ZNF423: variants seen among roughly 807,000 people sequenced by gnomAD.
ZNF423 encodes zinc finger protein 423.
A neutral mutation model predicts 95.8 loss-of-function variants in ZNF423; 12 were observed. That is an observed-to-expected ratio of 0.13 (90% CI 0.08 to 0.20). The LOEUF is 0.20. Among genes scored for constraint, ZNF423 ranks in the 10% least tolerant of loss-of-function variants. The pLI is 1.00. For missense variants in ZNF423, 1,316 were observed against 1,737.1 expected, an observed-to-expected ratio of 0.76 and a Z score of 4.31; for synonymous variants, 749 against 711.9, an observed-to-expected ratio of 1.05 and a Z score of -0.83.
At chr16:49,658,610 G>A (rs1255287584) in intron 3 of ZNF423, among the ~76,000 whole-genome samples, 1 of 152,246 alleles carries the variant, frequency 6.6e-6, no homozygotes, top group Non-Finnish European at 1.5e-5. Context: ...CATCAGGCCT[G>A]GGGAAGGCTC....
intron 5 of ZNF423, among the ~76,000 whole-genome samples, chr16:49,575,370 A>C (rs372025357): frequency 4.5e-4 from 68 of 152,134 alleles, no homozygotes; most frequent in African/African-American, 1.6e-3. Context: ...TCCACTAAAC[A>C]AGCCCAACGC....
chr16:49,668,800 C>T (rs1349213701), intron 3 of ZNF423, among the ~76,000 whole-genome samples: 1 of 152,166 alleles, frequency 6.6e-6, no homozygotes, highest in Non-Finnish European at 1.5e-5. Context: ...GAGGTAAGCA[C>T]ATGGGCTCGT....
intron 2 of ZNF423, among the ~76,000 whole-genome samples, chr16:49,784,660 AG>A (rs1448307507): frequency 6.6e-6 from 1 of 152,218 alleles, no homozygotes; most frequent in Non-Finnish European, 1.5e-5. Flanking sequence ...AGAGACAGAA[AG>A]TGGATCAGCC....
chr16:49,510,657 C>T (rs72784276), intron 7 of ZNF423, among the ~76,000 whole-genome samples: 1,536 of 152,288 alleles, frequency 0.01, 13 homozygotes, highest in Non-Finnish European at 0.016. Flanking sequence ...CCCCTCAGGC[C>T]CCAAGGCCCC....
At chr16:49,782,688 C>T (rs1313693491) in intron 2 of ZNF423, among the ~76,000 whole-genome samples, 2 of 152,216 alleles carry the variant, frequency 1.3e-5, no homozygotes, top group African/African-American at 2.4e-5. Flanking sequence ...CTCCTACTGC[C>T]TCTCCCTGCT....
intron 5 of ZNF423, among the ~76,000 whole-genome samples, chr16:49,586,436 A>C (rs1303651532): frequency 2.0e-5 from 3 of 152,256 alleles, no homozygotes; most frequent in Non-Finnish European, 1.5e-5. Context: ...CTTTAGGAAG[A>C]GTCAAGCCCC....
intron 2 of ZNF423, among the ~76,000 whole-genome samples, chr16:49,739,149 C>T (rs543414419): frequency 6.6e-6 from 1 of 152,268 alleles, no homozygotes; most frequent in South Asian, 2.1e-4. Context: ...CACTTGCCCT[C>T]TCTGGGACTC....
At chr16:49,585,827 G>A (rs374418005) in intron 5 of ZNF423, among the ~76,000 whole-genome samples, 3 of 152,326 alleles carry the variant, frequency 2.0e-5, no homozygotes, top group South Asian at 2.1e-4. Flanking sequence ...GGAGTCAGAC[G>A]CACAATTCAG....
chr16:49,671,816 C>A (rs1043111002), intron 3 of ZNF423, among the ~76,000 whole-genome samples: 5 of 152,116 alleles, frequency 3.3e-5, no homozygotes, highest in Admixed American at 2.6e-4. Context: ...TCCTGAGTAG[C>A]TGGGATTACA....
chr16:49,703,383 G>A (rs1287551708), intron 3 of ZNF423, among the ~76,000 whole-genome samples: 1 of 152,226 alleles, frequency 6.6e-6, no homozygotes, highest in Admixed American at 6.5e-5. Context: ...TTTAGAGTCA[G>A]GGATGGGGTG....
chr16:49,609,473 C>G (rs1971647782), intron 5 of ZNF423, among the ~76,000 whole-genome samples: 1 of 151,656 alleles, frequency 6.6e-6, no homozygotes, highest in Admixed American at 6.6e-5. Flanking sequence ...TATGATCATC[C>G]TTGAAACAAG....
intron 3 of ZNF423, among the ~76,000 whole-genome samples, chr16:49,642,801 CTTTTTTTTTT>C (rs55662710): frequency 3.3e-5 from 3 of 91,552 alleles, no homozygotes; most frequent in African/African-American, 8.5e-5. Context: ...GTTCTCTTTT[CTTTTTTTTTT>C]TTTTTTTTTT....
chr16:49,688,161 G>C (rs1184729498), intron 3 of ZNF423, among the ~76,000 whole-genome samples: 1 of 150,508 alleles, frequency 6.6e-6, no homozygotes, highest in Non-Finnish European at 1.5e-5. Context: ...GATCAAACCT[G>C]AGGCCCGGCT....
intron 1 of ZNF423, among the ~76,000 whole-genome samples, chr16:49,793,740 G>A (rs2034452381): frequency 6.6e-6 from 1 of 151,800 alleles, no homozygotes; most frequent in South Asian, 2.1e-4. Flanking sequence ...CAGAGGCATA[G>A]GGGCAAGTGT....
intron 5 of ZNF423, among the ~76,000 whole-genome samples, chr16:49,597,628 C>A (rs564963356): frequency 1.3e-5 from 2 of 151,936 alleles, no homozygotes; most frequent in East Asian, 1.9e-4. Flanking sequence ...TCCAGTCTGC[C>A]GTGTGCAAGC....
intron 2 of ZNF423, among the ~76,000 whole-genome samples, chr16:49,782,052 C>G (rs1298416455): frequency 1.3e-5 from 2 of 152,244 alleles, no homozygotes; most frequent in Non-Finnish European, 2.9e-5. Flanking sequence ...CCAGGCCTGG[C>G]TTTGAACATG....
At chr16:49,590,815 C>T (rs761470848) in intron 5 of ZNF423, among the ~76,000 whole-genome samples, 3 of 152,226 alleles carry the variant, frequency 2.0e-5, no homozygotes, top group Non-Finnish European at 4.4e-5. Flanking sequence ...ACACCACAAC[C>T]TGGGCTCCAG....
At chr16:49,617,108 C>T (rs988926602) in intron 5 of ZNF423, among the ~76,000 whole-genome samples, 3 of 152,160 alleles carry the variant, frequency 2.0e-5, no homozygotes, top group Admixed American at 6.5e-5. Flanking sequence ...GGCAGACACC[C>T]AGGAAGGGCA....
intron 5 of ZNF423, among the ~76,000 whole-genome samples, chr16:49,544,197 C>T (rs529273980): frequency 4.6e-5 from 7 of 152,254 alleles, no homozygotes; most frequent in Middle Eastern, 3.4e-3. Context: ...AGCAACAAAA[C>T]GACAGTATGG....
Sources: gnomAD v4.1 joint callset for allele counts (sites outside exome capture counted in the v4.1 genomes callset) on GRCh38, gnomAD v4.1.1 for gene constraint, MANE v1.5 for transcripts, NCBI Gene and HGNC (gene_info 2026-07-23, HGNC 2026-07-21) for gene names.